ERI3: variants seen among roughly 807,000 people sequenced by gnomAD.
The protein encoded by ERI3 is ERI1 exoribonuclease 3.
A neutral mutation model predicts 44.4 loss-of-function variants in ERI3; 18 were observed. The observed-to-expected ratio is 0.41, with a 90% CI of 0.28 to 0.60. ERI3 has a LOEUF of 0.60. Ranked by LOEUF, ERI3 falls within the 20% of genes least tolerant of loss-of-function variation. The probability of loss-of-function intolerance (pLI) is 0.36; values close to 1 mark genes in which losing one functional copy is unlikely to be tolerated. For missense variants in ERI3, 294 were observed against 435.5 expected (o/e 0.68, Z 2.89); for synonymous variants, 183 against 164.8 (o/e 1.11, Z -0.84).
intron 7 of ERI3, among the ~76,000 whole-genome samples, chr1:44,282,654 G>A (rs1048754744): frequency 2.0e-5 from 3 of 152,180 alleles, no homozygotes; most frequent in African/African-American, 7.2e-5. Context: ...CTGAGCTAAA[G>A]TCCAGAGTTA....
chr1:44,281,601 A>ATATATAT (rs1553189559), intron 7 of ERI3, among the ~76,000 whole-genome samples: 1,291 of 127,810 alleles, frequency 0.01, 8 homozygotes, highest in Admixed American at 0.028. Context: ...AAAAAAAAAA[A>ATATATAT]ATATATATAT....
chr1:44,301,361 T>A (rs1645722437), intron 6 of ERI3, among the ~76,000 whole-genome samples: 1 of 152,204 alleles, frequency 6.6e-6, no homozygotes. Flanking sequence ...ATCAAGAGAC[T>A]TTTTATGGCC....
At chr1:44,324,837 T>C (rs1359016466) in intron 3 of ERI3, among the ~76,000 whole-genome samples, 3 of 152,150 alleles carry the variant, frequency 2.0e-5, no homozygotes, top group Non-Finnish European at 4.4e-5. Context: ...CCTACAGCAC[T>C]GGGCTGTCTG....
At chr1:44,305,765 G>A (rs1010150116) in intron 6 of ERI3, among the ~76,000 whole-genome samples, 2 of 152,208 alleles carry the variant, frequency 1.3e-5, no homozygotes, top group Non-Finnish European at 2.9e-5. Flanking sequence ...AGGGGAGGAG[G>A]AGGTAAGGAC....
chr1:44,322,381 C>T (rs969790143), intron 3 of ERI3, among the ~76,000 whole-genome samples: 7 of 147,528 alleles, frequency 4.7e-5, no homozygotes, highest in Admixed American at 1.4e-4. Flanking sequence ...CTCGGATCCA[C>T]GCAAAAAAAA....
chr1:44,246,891 T>C (rs1644565671), intron 8 of ERI3, among the ~76,000 whole-genome samples: 1 of 151,126 alleles, frequency 6.6e-6, no homozygotes, highest in African/African-American at 2.4e-5. Context: ...CTCTCTCCAG[T>C]CCCCCCCCAC....
intron 7 of ERI3, among the ~76,000 whole-genome samples, chr1:44,272,129 G>C (rs745825608): frequency 2.6e-5 from 4 of 152,128 alleles, no homozygotes; most frequent in Admixed American, 6.5e-5. Context: ...TTTATCCTCA[G>C]GTCAACTCTA....
intron 2 of ERI3, among the ~76,000 whole-genome samples, chr1:44,348,233 G>C (rs1423860020): frequency 1.3e-5 from 2 of 152,148 alleles, no homozygotes; most frequent in African/African-American, 4.8e-5. Context: ...AAGAGTGAAA[G>C]AAAGAGTGAG....
rs575506505 is a variant in ERI3 at position 44,285,569 on chromosome 1, T to C, written c.759-662A>G. 5.3e-5 allele frequency among the ~76,000 whole-genome samples: 8 copies of C among 152,130 alleles called. 1 individual carries two copies. In the South Asian group the frequency reaches 1.5e-3, roughly 28 times the overall value. Reference sequence around the variant, plus strand: ...AATTCAAATCAAGGGTCTGTTCTTGTTTTTTTTCTTTAAATTAGAATTTAT... The same window carrying C: ...AATTCAAATCAAGGGTCTGTTCTTGCTTTTTTTCTTTAAATTAGAATTTAT... On this transcript the variant is annotated intron_variant, in intron 6 of 8. Coordinates refer to ENST00000372257, the MANE Select transcript of ERI3 (RefSeq NM_024066.3).
chr1:44,302,736 A>C (rs1381791922), intron 6 of ERI3, among the ~76,000 whole-genome samples: 2 of 152,228 alleles, frequency 1.3e-5, no homozygotes, highest in Non-Finnish European at 2.9e-5. Context: ...TCTGCCACTC[A>C]GTGCAAACAA....
At chr1:44,324,815 A>C (rs1406334910) in intron 3 of ERI3, among the ~76,000 whole-genome samples, 1 of 152,034 alleles carries the variant, frequency 6.6e-6, no homozygotes, top group Non-Finnish European at 1.5e-5. Flanking sequence ...CTGAAACACC[A>C]TTCACAAACT....
rs1226859729 is a variant in ERI3 at position 44,235,289 on chromosome 1, C to T, written c.931+12650G>A. ...GTACAGCCAAATTCAGGCTCATTTG[C>T]ACCTTGAGTTTTCAAGTCCTCACTT... On this transcript the variant is annotated intron_variant, in intron 8 of 8. Transcript: ENST00000372257. The surrounding 1 kb of genome is among the most constrained non-coding windows in gnomAD (Gnocchi z 4.6). 6.6e-6 allele frequency among the ~76,000 whole-genome samples: 1 copy of T among 152,202 alleles called. No homozygotes were observed. Among genetic ancestry groups the T allele is most frequent in the African/African-American group, 2.4e-5 (1 of 41,436 alleles).
chr1:44,226,394 C>T (rs937147263), intron 8 of ERI3, among the ~76,000 whole-genome samples: 2 of 152,022 alleles, frequency 1.3e-5, no homozygotes, highest in South Asian at 2.1e-4. Context: ...AATTATGATC[C>T]TAGATGTGAG....
intron 8 of ERI3, among the ~76,000 whole-genome samples, chr1:44,229,293 T>G (rs1168731162): frequency 6.6e-6 from 1 of 152,192 alleles, no homozygotes; most frequent in Admixed American, 6.5e-5. Context: ...GAATTTATAG[T>G]GCTGGGTTTT....
intron 8 of ERI3, among the ~76,000 whole-genome samples, chr1:44,227,476 G>A (rs747949673): frequency 1.7e-4 from 26 of 152,184 alleles, no homozygotes; most frequent in Non-Finnish European, 3.1e-4. Flanking sequence ...AGAGCAAAGT[G>A]CCAGTGCCTA....
chr1:44,268,117 T>C (rs1418143873), intron 7 of ERI3, among the ~76,000 whole-genome samples: 2 of 152,236 alleles, frequency 1.3e-5, no homozygotes, highest in Non-Finnish European at 2.9e-5. Flanking sequence ...ATACACACCC[T>C]ATATACATAT....
chr1:44,269,774 A>G (rs1466119574), intron 7 of ERI3, among the ~76,000 whole-genome samples: 1 of 152,212 alleles, frequency 6.6e-6, no homozygotes, highest in Non-Finnish European at 1.5e-5. Context: ...ACAAGAGGGA[A>G]GCTATGGAAG....
At chr1:44,239,463 C>T (rs1304058403) in intron 8 of ERI3, among the ~76,000 whole-genome samples, 2 of 152,204 alleles carry the variant, frequency 1.3e-5, no homozygotes, top group African/African-American at 2.4e-5. Flanking sequence ...TAAGCGGCTG[C>T]AGGAGGTGAT....
rs1222346350 is a variant in ERI3 at position 44,235,562 on chromosome 1, G to A, written c.931+12377C>T. 6.6e-6 allele frequency among the ~76,000 whole-genome samples: 1 copy of A among 152,182 alleles called. No individual in the cohort carries two copies. Among genetic ancestry groups the A allele is most frequent in the African/African-American group, 2.4e-5 (1 of 41,440 alleles). On this transcript the variant is annotated intron_variant, in intron 8 of 8. Transcript: ENST00000372257. The surrounding 1 kb of genome is among the most constrained non-coding windows in gnomAD (Gnocchi z 4.6). ...GAAAAGAAGGAAGGAAGGACTAGAG[G>A]AAAAGAAAGAGGGGCAAGATCACAC...
Sources: allele counts gnomAD v4.1 joint callset (sites outside exome capture counted in the v4.1 genomes callset), GRCh38; gene constraint gnomAD v4.1.1; non-coding constraint Gnocchi (gnomAD v3.1); transcripts MANE v1.5; gene names NCBI Gene and HGNC (gene_info 2026-07-23, HGNC 2026-07-21).